The following RYR2 variants were observed in gnomAD, a reference collection of about 807,000 sequenced individuals.
RYR2 encodes the protein ryanodine receptor 2, also known as cardiac muscle ryanodine receptor-calcium release channel.
A neutral mutation model predicts 601.1 loss-of-function variants in RYR2; 227 were observed. The observed-to-expected ratio is 0.38, with a 90% CI of 0.34 to 0.42. RYR2 has a LOEUF of 0.42. Among genes scored for constraint, RYR2 ranks in the 10% least tolerant of loss-of-function variants. The pLI is 1.00. For synonymous variants in RYR2, 2,223 were observed against 2,175.1 expected (o/e 1.02, Z -0.61); for missense variants, 4,646 against 6,156.5 (o/e 0.75, Z 8.21).
intron 1 of RYR2, among the ~76,000 whole-genome samples, chr1:237,084,495 G>A (rs1200039769): frequency 6.6e-6 from 1 of 152,098 alleles, no homozygotes; most frequent in Non-Finnish European, 1.5e-5. Context: ...GGCATGTCTA[G>A]TTATTCATGA....
At chr1:237,343,233 A>G (rs936710210) in intron 3 of RYR2, among the ~76,000 whole-genome samples, 1 of 152,132 alleles carries the variant, frequency 6.6e-6, no homozygotes, top group Non-Finnish European at 1.5e-5. Context: ...AAAAAAAAAA[A>G]GCATCCCAAA....
At chr1:237,361,813 G>C (rs1051439626) in intron 4 of RYR2, among the ~76,000 whole-genome samples, 5 of 152,178 alleles carry the variant, frequency 3.3e-5, no homozygotes, top group African/African-American at 1.2e-4. Flanking sequence ...TTTGCACCAA[G>C]AACAGATTAA....
intron 94 of RYR2, 43 bp downstream of exon 94, chr1:237,792,366 T>TGTGTGTGTGC (rs1553327291): frequency 3.7e-6 from 3 of 805,192 alleles, no homozygotes; most frequent in South Asian, 2.0e-5. Flanking sequence ...TGTGTGTGTG[T>TGTGTGTGTGC]GTGTGTGTGT....
At position 237,786,023 on chromosome 1, in the gene RYR2, C is replaced by A. The variant is rs746608828; in HGVS notation, c.13315C>A (p.Pro4439Thr). ...KEEKEETKSE[P>T]EKAEGEDGEK... ...AGAAAAAGAAGAAACCAAATCTGAA[C>A]CTGAAAAAGCCGAGTATGTATAGTT... The change falls in exon 91 of 105, where the codon CCT becomes ACT. Residue 4439 changes from proline (P) to threonine (T), a missense_variant. By Grantham distance (38) the Pro-to-Thr change is conservative. Transcript: ENST00000366574. The A allele has an allele frequency of 6.3e-7, 1 of 1,584,468 alleles. No individual in the cohort carries two copies. Among genetic ancestry groups the A allele is most frequent in the Non-Finnish European group, 8.6e-7 (1 of 1,162,948 alleles).
At chr1:237,595,795 A>G (rs2148476364) in intron 34 of RYR2, 138 bp downstream of exon 34, 1 of 1,030,322 alleles carries the variant, frequency 9.7e-7, no homozygotes, top group African/African-American at 1.6e-5. Flanking sequence ...AGCCGAGCAG[A>G]CCTGCCCCTA....
chr1:237,242,198 TTTTGTTTG>T (rs55825600), intron 1 of RYR2, among the ~76,000 whole-genome samples: 128,687 of 150,514 alleles, frequency 0.85, 57,540 homozygotes, highest in East Asian at 1. Context: ...TCACTGTTTT[TTTTGTTTG>T]TTTGTTTGTT....
At chr1:237,417,215 A>AGTTTT in intron 11 of RYR2, 92 bp downstream of exon 11, 2 of 952,706 alleles carry the variant, frequency 2.1e-6, no homozygotes, top group Non-Finnish European at 3.3e-6. Flanking sequence ...GCTGAAAACT[A>AGTTTT]CAGCAAGCAA....
chr1:237,273,315 G>A (rs923047781), intron 2 of RYR2, among the ~76,000 whole-genome samples: 4 of 152,172 alleles, frequency 2.6e-5, no homozygotes, highest in Admixed American at 2.6e-4. Flanking sequence ...AGGACGCAGA[G>A]CTCAGGTGGC....
rs140090178 is a variant in RYR2, at chr1:237,575,564, T to C, written c.3598+6245T>C. On this transcript the variant is annotated intron_variant, in intron 29 of 104. Coordinates refer to ENST00000366574, the MANE Select transcript of RYR2 (RefSeq NM_001035.3). ...CCCACCCCCGGCGTACCTATATAAA[T>C]TTCCATCCATCTTACCACATAATTA... 7.9e-5 allele frequency among the ~76,000 whole-genome samples: 12 copies of C among 152,070 alleles called. No homozygotes were observed. The East Asian group carries it at 2.1e-3, about 27-fold the overall frequency.
At chr1:237,211,387 T>C (rs1222001327) in intron 1 of RYR2, among the ~76,000 whole-genome samples, 3 of 152,250 alleles carry the variant, frequency 2.0e-5, no homozygotes, top group Non-Finnish European at 4.4e-5. Context: ...GATATCTTTG[T>C]TAGCATGATA....
At chr1:237,368,274 C>G (rs1700360145) in intron 5 of RYR2, among the ~76,000 whole-genome samples, 1 of 152,060 alleles carries the variant, frequency 6.6e-6, no homozygotes, top group African/African-American at 2.4e-5. Context: ...TTATTCTATA[C>G]AGTTTGGAAG....
chr1:237,807,832 G>T (rs2149442976), intron 99 of RYR2, among the ~76,000 whole-genome samples: 1 of 152,262 alleles, frequency 6.6e-6, no homozygotes, highest in Non-Finnish European at 1.5e-5. Flanking sequence ...ATAAGCAGTT[G>T]CAGTCAAGAC....
At position 237,120,161 on chromosome 1, in the gene RYR2, A is replaced by G. The variant is rs77160160; in HGVS notation, c.48+77592A>G. On this transcript the variant is annotated intron_variant, in intron 1 of 104. Transcript: ENST00000366574. ...GTTTCATTATCTATAAAATGGTTTA[A>G]TAGTCATTTTTTTTTATCAGGGGTT... 2.0e-5 allele frequency among the ~76,000 whole-genome samples: 3 copies of G among 152,218 alleles called. No individual in the cohort carries two copies. In the East Asian group the frequency reaches 5.8e-4, roughly 29 times the overall value.
chr1:237,202,439 G>A (rs753932172), intron 1 of RYR2, among the ~76,000 whole-genome samples: 1 of 151,764 alleles, frequency 6.6e-6, no homozygotes, highest in African/African-American at 2.4e-5. Flanking sequence ...TCAGGGTCTC[G>A]CTCTGTTGCC....
At chr1:237,426,710 C>T (rs4388696) in intron 12 of RYR2, among the ~76,000 whole-genome samples, 126,518 of 152,112 alleles carry the variant, frequency 0.83, 53,274 homozygotes, top group East Asian at 1. Flanking sequence ...AAACATGAAC[C>T]GGTACATCAC....
chr1:237,637,197 T>C (rs1680965819), intron 44 of RYR2, among the ~76,000 whole-genome samples: 1 of 152,236 alleles, frequency 6.6e-6, no homozygotes, highest in Non-Finnish European at 1.5e-5. Flanking sequence ...TGCTTCACTA[T>C]AGTTGATATA....
At chr1:237,147,482 C>A (rs1185901737) in intron 1 of RYR2, among the ~76,000 whole-genome samples, 1 of 152,110 alleles carries the variant, frequency 6.6e-6, no homozygotes, top group Admixed American at 6.5e-5. Flanking sequence ...AAACTTGAGC[C>A]CCTCACAATT....
chr1:237,688,350 T>C (rs904491054), intron 63 of RYR2, among the ~76,000 whole-genome samples: 2 of 151,922 alleles, frequency 1.3e-5, no homozygotes, highest in African/African-American at 4.8e-5. Flanking sequence ...AAGCTAAGGA[T>C]TAAAAAAATT....
At position 237,309,616 on chromosome 1, in the gene RYR2, G is replaced by A. The variant is rs532269079; in HGVS notation, c.169-21262G>A. The stretch of plus-strand genomic sequence containing the variant: ...CGCAGGCGGAGCTGCCACCAGTCCC[G>A]CACTGTGTGCCCACACTCCTCAGCC... On this transcript the variant is annotated intron_variant, in intron 2 of 104. Coordinates refer to ENST00000366574, the MANE Select transcript of RYR2 (RefSeq NM_001035.3). Among the ~76,000 whole-genome samples the A allele has an allele frequency of 7.1e-4, 108 of 152,332 alleles. No individual in the cohort carries two copies. The Middle Eastern group carries it at 0.01, about 14-fold the overall frequency.
Sources: gnomAD v4.1 joint callset for allele counts (sites outside exome capture counted in the v4.1 genomes callset) on GRCh38, gnomAD v4.1.1 for gene constraint, MANE v1.5 for transcripts, NCBI Gene and HGNC (gene_info 2026-07-23, HGNC 2026-07-21) for gene names.